GNAS: variants seen among roughly 807,000 people sequenced by gnomAD.
GNAS encodes the protein GNAS complex locus.
A neutral mutation model predicts 54.5 loss-of-function variants in GNAS; 8 were observed. The observed-to-expected ratio is 0.15, with a 90% CI of 0.09 to 0.26. GNAS has a LOEUF of 0.26. Among genes scored for constraint, GNAS ranks in the 10% least tolerant of loss-of-function variants. The probability of loss-of-function intolerance (pLI) is 1.00; values close to 1 mark genes in which losing one functional copy is unlikely to be tolerated. For synonymous variants in GNAS, 204 were observed against 191.4 expected, an observed-to-expected ratio of 1.07 and a Z score of -0.54; for missense variants, 170 against 529.8, an observed-to-expected ratio of 0.32 and a Z score of 6.67.
At chr20:58,860,052 A>C (rs933040424) in intron 1 of GNAS, among the ~76,000 whole-genome samples, 1 of 152,258 alleles carries the variant, frequency 6.6e-6, no homozygotes, top group Non-Finnish European at 1.5e-5. Flanking sequence ...GATTATTCTA[A>C]GTATACTATG....
intron 5 of GNAS, among the ~76,000 whole-genome samples, chr20:58,904,694 TA>T (rs1259307927): frequency 6.6e-6 from 1 of 152,252 alleles, no homozygotes; most frequent in East Asian, 1.9e-4. Context: ...GCTGCAAACT[TA>T]AATTGGAGAA....
rs1863897393 is a variant in GNAS, at chr20:58,841,214, C to T, written c.43+328C>T. The stretch of plus-strand genomic sequence containing the variant: ...CCAGATTTGGAGCTGCACACCCAAA[C>T]GGCATTGGTAAGTCACTTGTTTTGC... On this transcript the variant is annotated intron_variant, in intron 1 of 12. Transcript: ENST00000306090. This position sits in a 1 kb window ranked among gnomAD's most constrained non-coding sequence, Gnocchi z 5.0. 16 of 658,496 alleles carry T rather than the reference C, an allele frequency of 2.4e-5. No homozygotes were observed. In the South Asian group the frequency reaches 4.2e-4, roughly 17 times the overall value. The allele number at this position is 658,496 out of a possible 1,614,324, so 40.8% of individuals were successfully genotyped here.
upstream of GNAS, chr20:58,840,799 G>T: frequency 1.9e-6 from 3 of 1,612,302 alleles, no homozygotes; most frequent in Non-Finnish European, 2.5e-6. The surrounding 1 kb of genome is among the most constrained non-coding windows in gnomAD (Gnocchi z 6.0). Context: ...ACGCGTCCCC[G>T]GAGTCCCCTT....
At chr20:58,879,330 C>T (rs893926343) in intron 1 of GNAS, among the ~76,000 whole-genome samples, 1 of 152,204 alleles carries the variant, frequency 6.6e-6, no homozygotes, top group Non-Finnish European at 1.5e-5. Flanking sequence ...TTGCTCTGGT[C>T]AATATCGAGT....
At position 58,910,665 on chromosome 20, in the gene GNAS, C is replaced by G. The variant is rs2091375915; in HGVS notation, c.1039-18C>G. The G allele has an allele frequency of 3.1e-6, 5 of 1,613,886 alleles. No individual in the cohort carries two copies. Among genetic ancestry groups the G allele is most frequent in the Admixed American group, 3.3e-5 (2 of 59,994 alleles). On this transcript the variant is annotated intron_variant, in intron 12 of 12. Coordinates refer to ENST00000371085, the MANE Select transcript of GNAS (RefSeq NM_000516.7). The surrounding 1 kb of genome is among the most constrained non-coding windows in gnomAD (Gnocchi z 5.8). ...TGGCGAGGGTGTCACTGACAAGTCC[C>G]CTTGTTTGTGCCCGCAGAGGATCAG...
At chr20:58,869,726 A>C (rs904824213) in intron 1 of GNAS, among the ~76,000 whole-genome samples, 1 of 152,178 alleles carries the variant, frequency 6.6e-6, no homozygotes, top group Non-Finnish European at 1.5e-5. Context: ...GGCTAGTTTT[A>C]AGTTCTTCCC....
chr20:58,889,869 G>A (rs964675140), upstream of GNAS, among the ~76,000 whole-genome samples: 138 of 151,678 alleles, frequency 9.1e-4, 1 homozygote, highest in African/African-American at 3.3e-3. Flanking sequence ...TCCCCGAGGT[G>A]GCCGGGCCAC....
chr20:58,888,870 C>T (rs1276264214), upstream of GNAS: 3 of 156,066 alleles, frequency 1.9e-5, no homozygotes, highest in South Asian at 2.0e-4. Flanking sequence ...CTTTGCACGC[C>T]GCCCAGGGCT....
chr20:58,908,644 A>G (rs2091239004), intron 6 of GNAS, among the ~76,000 whole-genome samples: 1 of 152,116 alleles, frequency 6.6e-6, no homozygotes, highest in African/African-American at 2.4e-5. Context: ...TAATCAAGCA[A>G]TTTGAAAATT....
At chr20:58,903,636 T>C in intron 4 of GNAS, 36 bp from the exon 5 acceptor site, 2 of 1,614,116 alleles carry the variant, frequency 1.2e-6, no homozygotes, top group Admixed American at 1.7e-5. Context: ...TCCCAGCCAG[T>C]GCTGTTCCCT....
At chr20:58,893,892 T>C (rs1032530784) in intron 1 of GNAS, among the ~76,000 whole-genome samples, 2 of 152,262 alleles carry the variant, frequency 1.3e-5, no homozygotes, top group South Asian at 2.1e-4. Flanking sequence ...AATTTGAGAC[T>C]GTTACTCAGA....
intron 3 of GNAS, among the ~76,000 whole-genome samples, chr20:58,902,544 A>G (rs560038006): frequency 1.3e-5 from 2 of 152,130 alleles, no homozygotes; most frequent in South Asian, 4.2e-4. Context: ...AGGAAAAGCT[A>G]CAAAACCTTC....
intron 1 of GNAS, among the ~76,000 whole-genome samples, chr20:58,848,172 A>C (rs1446834812): frequency 6.6e-6 from 1 of 152,260 alleles, no homozygotes; most frequent in Non-Finnish European, 1.5e-5. Context: ...TTCTTAGTAC[A>C]TCAAGTGCAG....
Position 58,903,714 on chromosome 20 carries a change from C to T in GNAS, c.355C>T (p.Leu119=), listed in dbSNP as rs2090849740. 2 of 1,613,824 alleles carry T rather than the reference C, an allele frequency of 1.2e-6. No individual in the cohort carries two copies. The highest frequency in any genetic ancestry group is 1.3e-5 in the African/African-American group (1 of 74,878). The part of the protein sequence containing the change: ...AMSNLVPPVE[L]ANPENQFRVD... ...GAGCAACCTGGTGCCCCCCGTGGAG[C>T]TGGCCAACCCCGAGAACCAGTTCAG... Residue 119 remains leucine, a synonymous_variant, in exon 5 of 13, where the codon CTG becomes TTG. Transcript: ENST00000371085.
intron 3 of GNAS, among the ~76,000 whole-genome samples, chr20:58,901,516 T>G (rs1162959603): frequency 6.6e-6 from 1 of 152,072 alleles, no homozygotes; most frequent in African/African-American, 2.4e-5. Context: ...GCAGCACTTT[T>G]ACTTAAATGG....
Position 58,891,732 on chromosome 20 carries a change from C to T in GNAS, c.6C>T (p.Gly2=), listed in dbSNP as rs775708134. 1.7e-6 allele frequency: 2 copies of T among 1,162,762 alleles called. No individual in the cohort carries two copies. The highest frequency in any genetic ancestry group is 2.0e-5 in the South Asian group (1 of 50,304). The allele number at this position is 1,162,762 out of a possible 1,614,324, so 72.0% of individuals were successfully genotyped here. M[G]CLGNSKTEDQ... is the part of the protein sequence containing the mutation. ...CCGCCGCCGCCGCCGCCGCCATGGG[C>T]TGCCTCGGGAACAGTAAGACCGAGG... The change falls in exon 1 of 13, where the codon GGC becomes GGT. Residue 2 remains glycine, a synonymous_variant. Coordinates refer to ENST00000371085, the MANE Select transcript of GNAS (RefSeq NM_000516.7).
chr20:58,847,844 GC>G (rs2085995075), intron 1 of GNAS, among the ~76,000 whole-genome samples: 2 of 152,168 alleles, frequency 1.3e-5, no homozygotes. Context: ...CTTGAGATAT[GC>G]CTTATGCTTT....
chr20:58,867,788 A>G lies in GNAS; in HGVS notation c.43+26902A>G, dbSNP rs555327852. 3.1e-3 allele frequency among the ~76,000 whole-genome samples: 478 copies of G among 152,250 alleles called. 3 individuals are homozygous for G. Among genetic ancestry groups the G allele is most frequent in the Non-Finnish European group, 4.2e-3 (285 of 68,016 alleles). ...CCTGCCATGGTCAGGAGAGCACCTT[A>G]AATTTGATGAGTTGTCAGGGAAGAA... On this transcript the variant is annotated intron_variant, in intron 1 of 12. Transcript: ENST00000306090.
At position 58,891,889 on chromosome 20, in the gene GNAS, G is replaced by A. The variant is rs566053211; in HGVS notation, c.139+24G>A. 50 of 1,112,206 alleles carry A rather than the reference G, an allele frequency of 4.5e-5. No homozygotes were observed. The South Asian group carries it at 8.8e-4, about 20-fold the overall frequency. 68.9% of individuals were successfully genotyped at this position (1,112,206 alleles called of 1,614,324 possible). On this transcript the variant is annotated intron_variant, in intron 1 of 12. Coordinates refer to ENST00000371085, the MANE Select transcript of GNAS (RefSeq NM_000516.7). The stretch of plus-strand genomic sequence containing the variant: ...GGGTAAGGGCGGGCGGGGGGCGCCG[G>A]CCCCGGCCCGGGGGCCCTCGAAGGG...
Sources: gnomAD v4.1 joint callset for allele counts (sites outside exome capture counted in the v4.1 genomes callset) on GRCh38, gnomAD v4.1.1 for gene constraint, Gnocchi (gnomAD v3.1) non-coding constraint, MANE v1.5 for transcripts, NCBI Gene and HGNC (gene_info 2026-07-23, HGNC 2026-07-21) for gene names.